Variants in NBEA observed in about 807,000 individuals in gnomAD.
NBEA encodes the protein neurobeachin.
In NBEA, 44 loss-of-function variants were observed where a neutral mutation model predicts 343.4. That is an observed-to-expected ratio of 0.13 (90% CI 0.10 to 0.16). The LOEUF is 0.16. Among genes scored for constraint, NBEA ranks in the 10% least tolerant of loss-of-function variants. NBEA has a pLI of 1.00. For missense variants in NBEA, 2,555 were observed against 3,631.3 expected, an observed-to-expected ratio of 0.70 and a Z score of 7.62; for synonymous variants, 1,175 against 1,238.7, an observed-to-expected ratio of 0.95 and a Z score of 1.08.
At chr13:35,053,264 C>T (rs558528042) in intron 6 of NBEA, among the ~76,000 whole-genome samples, 1 of 152,176 alleles carries the variant, frequency 6.6e-6, no homozygotes, top group Admixed American at 6.6e-5. Flanking sequence ...ACAATCTGGT[C>T]TTTGCCTGTT....
intron 38 of NBEA, among the ~76,000 whole-genome samples, chr13:35,429,715 C>A (rs1178204254): frequency 6.6e-6 from 1 of 151,868 alleles, no homozygotes; most frequent in Non-Finnish European, 1.5e-5. Flanking sequence ...TTTTGGTGCA[C>A]CCATCACCTG....
intron 4 of NBEA, 145 bp downstream of exon 4, chr13:35,045,546 G>A: frequency 1.7e-6 from 1 of 604,416 alleles, no homozygotes; most frequent in Non-Finnish European, 2.7e-6. Flanking sequence ...ACTATATAAT[G>A]ATTTGAACAA....
chr13:35,565,168 C>T (rs926178561), intron 44 of NBEA, among the ~76,000 whole-genome samples: 1 of 152,206 alleles, frequency 6.6e-6, no homozygotes, highest in Non-Finnish European at 1.5e-5. Flanking sequence ...ATTCTGCTGC[C>T]ATTACCCACA....
intron 41 of NBEA, among the ~76,000 whole-genome samples, chr13:35,538,625 A>G (rs1164058536): frequency 6.6e-6 from 1 of 152,178 alleles, no homozygotes; most frequent in East Asian, 1.9e-4. Flanking sequence ...TCTACCTACC[A>G]TGCTGGGTTT....
chr13:35,571,259 A>G (rs1349038684), intron 45 of NBEA, among the ~76,000 whole-genome samples: 1 of 152,216 alleles, frequency 6.6e-6, no homozygotes, highest in African/African-American at 2.4e-5. Context: ...CCACCACATT[A>G]CACAGGCTTC....
intron 38 of NBEA, among the ~76,000 whole-genome samples, chr13:35,354,737 T>C (rs749824130): frequency 2.0e-5 from 3 of 152,202 alleles, no homozygotes; most frequent in South Asian, 2.1e-4. Context: ...ATTGGACCTC[T>C]TCTCTTTTCT....
intron 38 of NBEA, among the ~76,000 whole-genome samples, chr13:35,363,355 G>T (rs1368660464): frequency 1.3e-5 from 2 of 151,884 alleles, no homozygotes; most frequent in Non-Finnish European, 2.9e-5. Flanking sequence ...AAGGCAAGGA[G>T]CTGTGGTACC....
At chr13:35,061,271 A>G (rs2152568817) in intron 8 of NBEA, among the ~76,000 whole-genome samples, 1 of 151,850 alleles carries the variant, frequency 6.6e-6, no homozygotes, top group South Asian at 2.1e-4. Context: ...ACAGTAAATA[A>G]GTTAGGGTGT....
intron 41 of NBEA, chr13:35,476,313 TGC>T: frequency 1.4e-6 from 1 of 695,366 alleles, no homozygotes; most frequent in Non-Finnish European, 2.1e-6. Flanking sequence ...CTGCTGCTGC[TGC>T]TGCTGCTGCT....
chr13:35,422,933 G>A (rs1249006582), intron 38 of NBEA, among the ~76,000 whole-genome samples: 3 of 152,298 alleles, frequency 2.0e-5, no homozygotes, highest in African/African-American at 7.2e-5. Context: ...TCTTTTGGCT[G>A]CATAAATGTC....
At chr13:35,338,023 A>G (rs1226550776) in intron 36 of NBEA, among the ~76,000 whole-genome samples, 1 of 152,004 alleles carries the variant, frequency 6.6e-6, no homozygotes, top group Non-Finnish European at 1.5e-5. Context: ...AAATAAGAAA[A>G]CATTAACATA....
intron 10 of NBEA, 118 bp from the exon 11 acceptor site, chr13:35,098,179 T>C: frequency 4.6e-6 from 3 of 658,088 alleles, no homozygotes; most frequent in Non-Finnish European, 7.6e-6. Context: ...TCATTGTCAG[T>C]AAAATAGAGA....
intron 48 of NBEA, among the ~76,000 whole-genome samples, chr13:35,622,011 A>G (rs555037968): frequency 1.3e-5 from 2 of 152,228 alleles, no homozygotes; most frequent in Non-Finnish European, 2.9e-5. Context: ...ATCTTACTCT[A>G]TTAAGTAACA....
intron 30 of NBEA, chr13:35,186,706 A>T (rs1312509090): frequency 1.3e-5 from 2 of 152,156 alleles, no homozygotes; most frequent in Non-Finnish European, 2.9e-5. Flanking sequence ...TTATAATCGC[A>T]GTATTTGTTC....
chr13:34,955,356 A>C (rs922764007), intron 1 of NBEA, among the ~76,000 whole-genome samples: 4 of 152,090 alleles, frequency 2.6e-5, no homozygotes, highest in Non-Finnish European at 4.4e-5. Flanking sequence ...ACCTTCAAAT[A>C]ACTTGAAATT....
intron 34 of NBEA, among the ~76,000 whole-genome samples, chr13:35,239,377 A>G (rs1206871299): frequency 6.6e-6 from 1 of 152,122 alleles, no homozygotes; most frequent in Non-Finnish European, 1.5e-5. Flanking sequence ...AGGGTTATAT[A>G]GGAGAAATTA....
chr13:35,438,522 T>G (rs767793592), intron 39 of NBEA, among the ~76,000 whole-genome samples: 1 of 152,240 alleles, frequency 6.6e-6, no homozygotes, highest in Non-Finnish European at 1.5e-5. Context: ...TTGTAAAACC[T>G]AATAACCTAT....
chr13:35,665,021 G>T lies in NBEA; in HGVS notation c.8363-64G>T, dbSNP rs912331172. ...ATGGGTATTTTTTGAATATTGCATT[G>T]CTGGTGTAGCTCTCTCCCCCTGCTA... On this transcript the variant is annotated intron_variant, in intron 55 of 58. Transcript: ENST00000379939. 8.5e-5 allele frequency: 91 copies of T among 1,074,290 alleles called. No individual in the cohort carries two copies. In the Middle Eastern group the frequency reaches 1.0e-3, roughly 12 times the overall value. The allele number at this position is 1,074,290 out of a possible 1,614,324, so 66.5% of individuals were successfully genotyped here. A position where few individuals can be genotyped will look rare whatever the true frequency, so the allele number is the denominator to read the frequency against.
intron 33 of NBEA, among the ~76,000 whole-genome samples, chr13:35,222,419 T>C (rs2074421261): frequency 6.6e-6 from 1 of 152,154 alleles, no homozygotes; most frequent in African/African-American, 2.4e-5. Context: ...TATTTCTACA[T>C]CATTTGCATT....
Sources: gnomAD v4.1 joint callset for allele counts (sites outside exome capture counted in the v4.1 genomes callset) on GRCh38, gnomAD v4.1.1 for gene constraint, MANE v1.5 for transcripts, NCBI Gene and HGNC (gene_info 2026-07-23, HGNC 2026-07-21) for gene names.